MMP16: variants seen among roughly 807,000 people sequenced by gnomAD.
MMP16 encodes the protein matrix metallopeptidase 16, also known as matrix metalloproteinase-16.
A neutral mutation model predicts 67.8 loss-of-function variants in MMP16; 12 were observed. That is an observed-to-expected ratio of 0.18 (90% confidence interval 0.11 to 0.29). The LOEUF (loss-of-function observed/expected upper bound fraction) is 0.29, where lower values mean the gene tolerates loss of function less well. Ranked by LOEUF, MMP16 falls within the 10% of genes least tolerant of loss-of-function variation. The probability of loss-of-function intolerance (pLI) is 1.00; values close to 1 mark genes in which losing one functional copy is unlikely to be tolerated. For missense variants in MMP16, 475 were observed against 765.7 expected, an observed-to-expected ratio of 0.62 and a Z score of 4.48; for synonymous variants, 249 against 255.9, an observed-to-expected ratio of 0.97 and a Z score of 0.26.
chr8:88,069,201 T>C (rs1433404366), intron 7 of MMP16: 1 of 291,408 alleles, frequency 3.4e-6, no homozygotes, highest in Non-Finnish European at 6.6e-6. Context: ...GAATGAGGCA[T>C]ATCTGTCCAG....
chr8:88,245,922 TA>T (rs2129912035), intron 1 of MMP16, among the ~76,000 whole-genome samples: 1 of 152,320 alleles, frequency 6.6e-6, no homozygotes, highest in African/African-American at 2.4e-5. Flanking sequence ...ATTCTATAAA[TA>T]AAAATGTATG....
At chr8:88,124,403 T>C (rs1237125494) in intron 4 of MMP16, among the ~76,000 whole-genome samples, 1 of 152,066 alleles carries the variant, frequency 6.6e-6, no homozygotes, top group South Asian at 2.1e-4. Flanking sequence ...ATGACTTTCA[T>C]TGACAATGGA....
intron 3 of MMP16, among the ~76,000 whole-genome samples, chr8:88,172,868 C>T (rs1011055314): frequency 3.3e-5 from 5 of 151,728 alleles, no homozygotes; most frequent in African/African-American, 1.2e-4. Context: ...TCTTACATAA[C>T]AAAACCAATG....
rs146431048 is a variant in MMP16, at chr8:88,238,424, G to A, written c.133-41118C>T. On this transcript the variant is annotated intron_variant, in intron 1 of 9. Transcript: ENST00000286614. Reference sequence around the variant, plus strand: ...TGTAATCCCAGCATTTTGGGAGGCCGAGGTGGGTGGATCATTTGAGGTCAG... The same window carrying A: ...TGTAATCCCAGCATTTTGGGAGGCCAAGGTGGGTGGATCATTTGAGGTCAG... Among the ~76,000 whole-genome samples, 169 of 151,978 alleles carry A rather than the reference G, an allele frequency of 1.1e-3. 1 individual carries two copies. In the East Asian group the frequency reaches 0.019, roughly 17 times the overall value.
At chr8:88,125,033 G>C (rs891809924) in intron 4 of MMP16, among the ~76,000 whole-genome samples, 1 of 151,840 alleles carries the variant, frequency 6.6e-6, no homozygotes, top group African/African-American at 2.4e-5. Context: ...AGATTGGAGG[G>C]TTAAAGCTTC....
chr8:88,285,748 A>G (rs1013499764), intron 1 of MMP16, among the ~76,000 whole-genome samples: 1 of 152,096 alleles, frequency 6.6e-6, no homozygotes, highest in African/African-American at 2.4e-5. Context: ...TATATACATC[A>G]TTTACCATTT....
intron 1 of MMP16, among the ~76,000 whole-genome samples, chr8:88,261,535 C>T (rs1328427928): frequency 1.3e-5 from 2 of 151,942 alleles, no homozygotes; most frequent in Non-Finnish European, 2.9e-5. Flanking sequence ...TTCTACCTCA[C>T]TATTTAGCAT....
chr8:88,158,849 G>C (rs182504852), intron 4 of MMP16, among the ~76,000 whole-genome samples: 1 of 152,184 alleles, frequency 6.6e-6, no homozygotes, highest in African/African-American at 2.4e-5. Flanking sequence ...TGTATAAGGT[G>C]TAAGGAAGGG....
At chr8:88,298,286 A>G (rs1303355923) in intron 1 of MMP16, among the ~76,000 whole-genome samples, 1 of 152,210 alleles carries the variant, frequency 6.6e-6, no homozygotes, top group African/African-American at 2.4e-5. Flanking sequence ...ATAGTGTAAG[A>G]AGGCACATCC....
intron 6 of MMP16, among the ~76,000 whole-genome samples, chr8:88,115,020 T>C (rs575818151): frequency 6.6e-6 from 1 of 152,102 alleles, no homozygotes; most frequent in East Asian, 1.9e-4. Context: ...TCACTAGATA[T>C]GAAGACACCA....
At chr8:88,092,805 T>C (rs1808960284) in intron 6 of MMP16, among the ~76,000 whole-genome samples, 1 of 151,870 alleles carries the variant, frequency 6.6e-6, no homozygotes, top group Non-Finnish European at 1.5e-5. Flanking sequence ...TATCGAGATA[T>C]AGTAACTACA....
intron 1 of MMP16, among the ~76,000 whole-genome samples, chr8:88,326,029 T>C (rs947297584): frequency 6.6e-6 from 1 of 152,222 alleles, no homozygotes; most frequent in African/African-American, 2.4e-5. Context: ...ATAAGCTTCA[T>C]AATATCAACA....
intron 8 of MMP16, among the ~76,000 whole-genome samples, chr8:88,055,357 G>A (rs1026767526): frequency 1.3e-5 from 2 of 152,034 alleles, no homozygotes. Flanking sequence ...ACAAGCATGT[G>A]CCAAAACGCC....
At chr8:88,248,168 A>C (rs1810149780) in intron 1 of MMP16, among the ~76,000 whole-genome samples, 1 of 152,100 alleles carries the variant, frequency 6.6e-6, no homozygotes, top group Non-Finnish European at 1.5e-5. Flanking sequence ...CTATAAAAGA[A>C]AGATAATGCA....
At chr8:88,072,857 T>C (rs914320349) in intron 7 of MMP16, among the ~76,000 whole-genome samples, 2 of 152,128 alleles carry the variant, frequency 1.3e-5, no homozygotes, top group Non-Finnish European at 1.5e-5. Context: ...ACTACTTACA[T>C]AGGGTGGGCA....
chr8:88,283,054 C>G (rs181056007), intron 1 of MMP16, among the ~76,000 whole-genome samples: 164 of 152,090 alleles, frequency 1.1e-3, no homozygotes, highest in African/African-American at 3.8e-3. Context: ...TCTTTCATTA[C>G]TAAACATCTC....
chr8:88,118,914 T>A (rs1161758632), intron 4 of MMP16, 53 bp from the exon 5 acceptor site: 6 of 1,535,750 alleles, frequency 3.9e-6, no homozygotes, highest in Non-Finnish European at 4.5e-6. Flanking sequence ...AAATACAGAA[T>A]TGAAAAGGAC....
intron 6 of MMP16, among the ~76,000 whole-genome samples, chr8:88,084,265 A>G (rs1038984261): frequency 3.9e-5 from 6 of 152,022 alleles, no homozygotes; most frequent in African/African-American, 1.4e-4. Flanking sequence ...TGAAAATCAC[A>G]AAGTCTATGA....
At chr8:88,310,827 G>A (rs758983911) in intron 1 of MMP16, among the ~76,000 whole-genome samples, 1 of 152,092 alleles carries the variant, frequency 6.6e-6, no homozygotes, top group Non-Finnish European at 1.5e-5. Context: ...TTTTCTACTA[G>A]CAAGTATAAA....
Sources: gnomAD v4.1 joint callset for allele counts (sites outside exome capture counted in the v4.1 genomes callset) on GRCh38, gnomAD v4.1.1 for gene constraint, MANE v1.5 for transcripts, NCBI Gene and HGNC (gene_info 2026-07-23, HGNC 2026-07-21) for gene names.